Variants in DGKB observed in about 807,000 individuals in gnomAD.
DGKB encodes the protein diacylglycerol kinase beta, also known as 90 kDa diacylglycerol kinase.
In DGKB, 67 loss-of-function variants were observed where a neutral mutation model predicts 114.3. That is an observed-to-expected ratio of 0.59 (90% CI 0.48 to 0.72). The LOEUF (loss-of-function observed/expected upper bound fraction) is 0.72, where lower values mean the gene tolerates loss of function less well. DGKB is among the 30% of genes least tolerant of loss of function. DGKB has a pLI of 0.00. For synonymous variants in DGKB, 398 were observed against 323.1 expected (o/e 1.23, Z -2.49); for missense variants, 907 against 975.2 (o/e 0.93, Z 0.93).
At chr7:14,429,106 C>T (rs1828032035) in intron 21 of DGKB, among the ~76,000 whole-genome samples, 1 of 152,068 alleles carries the variant, frequency 6.6e-6, no homozygotes, top group South Asian at 2.1e-4. Flanking sequence ...TCTATTTTGA[C>T]AGAAGGATTA....
At chr7:14,478,618 G>A (rs1225048839) in intron 20 of DGKB, among the ~76,000 whole-genome samples, 4 of 152,032 alleles carry the variant, frequency 2.6e-5, no homozygotes, top group Admixed American at 2.6e-4. Flanking sequence ...TGCCCTAAGT[G>A]GAGAAATGAT....
chr7:14,237,597 G>A (rs1162536969), intron 23 of DGKB, among the ~76,000 whole-genome samples: 1 of 151,768 alleles, frequency 6.6e-6, no homozygotes, highest in Non-Finnish European at 1.5e-5. Context: ...AATGCCATTT[G>A]AATTTTCATT....
At chr7:14,569,692 T>A (rs932821501) in intron 20 of DGKB, among the ~76,000 whole-genome samples, 1 of 152,126 alleles carries the variant, frequency 6.6e-6, no homozygotes, top group Non-Finnish European at 1.5e-5. Flanking sequence ...AATTTATTTC[T>A]CTCCTTATTG....
intron 23 of DGKB, among the ~76,000 whole-genome samples, chr7:14,326,230 A>C (rs1234724329): frequency 6.6e-6 from 1 of 152,190 alleles, no homozygotes. Context: ...GCTGAAGGAA[A>C]GCAGCCTGGG....
At chr7:14,682,432 C>T (rs748441036) in intron 12 of DGKB, 121 bp downstream of exon 12, 1 of 689,922 alleles carries the variant, frequency 1.4e-6, no homozygotes. Flanking sequence ...GAGAAGTTTC[C>T]ATGGTTTTAT....
At chr7:14,182,170 C>T (rs1782723763) in intron 23 of DGKB, among the ~76,000 whole-genome samples, 1 of 151,998 alleles carries the variant, frequency 6.6e-6, no homozygotes, top group South Asian at 2.1e-4. Flanking sequence ...TAATTATCCA[C>T]AATACCAAAA....
intron 2 of DGKB, among the ~76,000 whole-genome samples, chr7:14,779,799 C>T (rs1389565567): frequency 1.3e-5 from 2 of 152,070 alleles, no homozygotes; most frequent in African/African-American, 4.8e-5. Context: ...TTCTGATTGG[C>T]ACTTTATAAC....
At chr7:14,455,958 T>C (rs1475964035) in intron 21 of DGKB, among the ~76,000 whole-genome samples, 3 of 152,046 alleles carry the variant, frequency 2.0e-5, no homozygotes, top group Admixed American at 2.0e-4. Flanking sequence ...GCCTTCACTA[T>C]TTAAAATGTA....
At chr7:14,183,574 G>GGGATTTATA (rs1335153674) in intron 23 of DGKB, among the ~76,000 whole-genome samples, 1 of 152,124 alleles carries the variant, frequency 6.6e-6, no homozygotes, top group Non-Finnish European at 1.5e-5. Context: ...TCCCTGCTAA[G>GGGATTTATA]GGATTTATAG....
intron 20 of DGKB, among the ~76,000 whole-genome samples, chr7:14,552,649 T>C (rs1029299106): frequency 2.0e-5 from 3 of 152,214 alleles, no homozygotes; most frequent in Non-Finnish European, 4.4e-5. Context: ...TTAAAAAGAC[T>C]TAAAATAATT....
chr7:14,603,604 A>G (rs143147317), intron 17 of DGKB, among the ~76,000 whole-genome samples: 121 of 152,196 alleles, frequency 8.0e-4, no homozygotes, highest in African/African-American at 2.8e-3. Flanking sequence ...TTCACTATGA[A>G]ATATGCATAT....
At chr7:14,828,426 C>T (rs1329186657) in intron 2 of DGKB, among the ~76,000 whole-genome samples, 1 of 152,018 alleles carries the variant, frequency 6.6e-6, no homozygotes, top group African/African-American at 2.4e-5. Context: ...TTATTGAAAG[C>T]TGACATATTG....
chr7:14,589,406 G>A (rs977538386), intron 17 of DGKB, among the ~76,000 whole-genome samples: 1 of 151,946 alleles, frequency 6.6e-6, no homozygotes, highest in Admixed American at 6.6e-5. Flanking sequence ...TTCCTTGACA[G>A]AATTCCAACA....
chr7:14,761,464 T>C (rs1388165590), intron 2 of DGKB, among the ~76,000 whole-genome samples: 2 of 152,200 alleles, frequency 1.3e-5, no homozygotes, highest in African/African-American at 4.8e-5. Context: ...TTTCTTCCTA[T>C]GGCCTATCAC....
At chr7:14,535,345 G>T (rs1444411996) in intron 20 of DGKB, among the ~76,000 whole-genome samples, 2 of 150,040 alleles carry the variant, frequency 1.3e-5, no homozygotes, top group African/African-American at 4.9e-5. Flanking sequence ...CTCTGGCCTG[G>T]GTGACAGAGT....
At chr7:14,828,967 G>A (rs1342717121) in intron 2 of DGKB, among the ~76,000 whole-genome samples, 2 of 152,050 alleles carry the variant, frequency 1.3e-5, no homozygotes, top group Non-Finnish European at 2.9e-5. Flanking sequence ...CCAGACTAAT[G>A]TTGCTAAGCA....
intron 23 of DGKB, chr7:14,191,635 G>T: frequency 3.6e-6 from 1 of 281,008 alleles, no homozygotes; most frequent in Non-Finnish European, 7.4e-6. Context: ...CTGAAGAAAA[G>T]TCTGTTGAAA....
chr7:14,833,356 T>C (rs528871229), intron 2 of DGKB, among the ~76,000 whole-genome samples: 1 of 152,010 alleles, frequency 6.6e-6, no homozygotes, highest in African/African-American at 2.4e-5. Flanking sequence ...AAAATTAATA[T>C]TGAAGATATT....
At chr7:14,333,532 G>C (rs1466983021) in intron 23 of DGKB, among the ~76,000 whole-genome samples, 1 of 151,160 alleles carries the variant, frequency 6.6e-6, no homozygotes, top group Non-Finnish European at 1.5e-5. Flanking sequence ...ATTGCAATGC[G>C]ATAGTATCTT....
Sources: gnomAD v4.1 joint callset for allele counts (sites outside exome capture counted in the v4.1 genomes callset) on GRCh38, gnomAD v4.1.1 for gene constraint, MANE v1.5 for transcripts, NCBI Gene and HGNC (gene_info 2026-07-23, HGNC 2026-07-21) for gene names.